Variants in COL11A1 observed in about 807,000 individuals in gnomAD.
COL11A1 encodes collagen alpha-1(XI) chain.
Under a neutral mutation model 265.2 loss-of-function variants are expected in COL11A1, and 74 were observed. The ratio of observed to expected loss-of-function variants is 0.28; its 90% CI spans 0.23 to 0.34. The LOEUF (loss-of-function observed/expected upper bound fraction) is 0.34, where lower values mean the gene tolerates loss of function less well. Among genes scored for constraint, COL11A1 ranks in the 10% least tolerant of loss-of-function variants. COL11A1 has a pLI of 1.00. For missense variants in COL11A1, 2,165 were observed against 2,263.6 expected, an observed-to-expected ratio of 0.96 and a Z score of 0.88; for synonymous variants, 816 against 727.6, an observed-to-expected ratio of 1.12 and a Z score of -1.96.
chr1:102,988,763 A>C (rs534486565), intron 29 of COL11A1, among the ~76,000 whole-genome samples: 89 of 152,286 alleles, frequency 5.8e-4, no homozygotes, highest in Middle Eastern at 3.4e-3. Flanking sequence ...ATAATAATAA[A>C]GATTGTTCAG....
intron 57 of COL11A1, among the ~76,000 whole-genome samples, chr1:102,892,743 T>TA (rs1035705590): frequency 7.9e-5 from 12 of 152,158 alleles, no homozygotes; most frequent in African/African-American, 2.9e-4. Flanking sequence ...TAGGTATACT[T>TA]ATGTTTTTTA....
In COL11A1 at chr1:102,914,375, G is replaced by A. The variant is rs1160206410; in HGVS notation, c.3955C>T (p.Pro1319Ser). Residue 1319 changes from proline to serine, a missense_variant, in exon 52 of 67, where the codon CCT becomes TCT. Transcript: ENST00000370096. Reference sequence around the variant, plus strand: ...ACTGCAGGGCCAGGTTCCCCAGGAGGACCAGGATCTCCAGGAAAACCAACA... The same window carrying A: ...ACTGCAGGGCCAGGTTCCCCAGGAGAACCAGGATCTCCAGGAAAACCAACA... ...GPVGFPGDPG[P>S]PGEPGPAGQD... 14 of 1,608,670 alleles carry A rather than the reference G, an allele frequency of 8.7e-6. No individual in the cohort carries two copies. The highest frequency in any genetic ancestry group is 3.3e-5 in the Admixed American group (2 of 59,876).
chr1:103,041,403 C>A (rs1668799599), intron 4 of COL11A1, among the ~76,000 whole-genome samples: 1 of 151,374 alleles, frequency 6.6e-6, no homozygotes, highest in Admixed American at 6.6e-5. Flanking sequence ...TGTTCTAAGT[C>A]CCTCAGAGAA....
At chr1:103,019,721 A>G (rs1666850464) in intron 9 of COL11A1, among the ~76,000 whole-genome samples, 1 of 142,912 alleles carries the variant, frequency 7.0e-6, no homozygotes, top group Non-Finnish European at 1.5e-5. Flanking sequence ...TATATCTCCC[A>G]ATGCTATCCC....
At chr1:102,928,500 T>C (rs1656925023) in intron 46 of COL11A1, among the ~76,000 whole-genome samples, 1 of 152,170 alleles carries the variant, frequency 6.6e-6, no homozygotes, top group African/African-American at 2.4e-5. Context: ...CAGTCTATCA[T>C]TGTTGGACAT....
At chr1:102,928,608 C>A (rs1032088322) in intron 46 of COL11A1, among the ~76,000 whole-genome samples, 2 of 151,894 alleles carry the variant, frequency 1.3e-5, no homozygotes, top group African/African-American at 4.8e-5. Flanking sequence ...GCATATATAC[C>A]CAGTAATGGG....
chr1:102,881,646 G>T, intron 65 of COL11A1, 51 bp downstream of exon 65: 1 of 1,364,218 alleles, frequency 7.3e-7, no homozygotes, highest in Non-Finnish European at 1.0e-6. Context: ...TAATCAGAAT[G>T]TCACTTCTTG....
chr1:102,922,228 A>T (rs1167532765), intron 47 of COL11A1, among the ~76,000 whole-genome samples: 1 of 152,090 alleles, frequency 6.6e-6, no homozygotes, highest in East Asian at 1.9e-4. Flanking sequence ...TTTTTAAAAG[A>T]TCTCAGTTTA....
intron 1 of COL11A1, among the ~76,000 whole-genome samples, chr1:103,095,759 T>C (rs569418621): frequency 5.3e-5 from 8 of 151,962 alleles, no homozygotes; most frequent in Non-Finnish European, 1.2e-4. Flanking sequence ...TCAGTTTGGA[T>C]AGAGAGCATG....
At position 102,979,445 on chromosome 1, in the gene COL11A1, T is replaced by C. The variant is rs761970505; in HGVS notation, c.2557-10A>G. On this transcript the variant is annotated splice_polypyrimidine_tract_variant and intron_variant, in intron 31 of 66. Transcript: ENST00000370096. ...GGAATCCAGTGGAACCCTACAATAA[T>C]AAAAGTAAATAATGAATAAACATGG... is the stretch of plus-strand genomic sequence containing the variant. The C allele has an allele frequency of 6.3e-6, 10 of 1,577,936 alleles. No homozygotes were observed. Among genetic ancestry groups the C allele is most frequent in the Non-Finnish European group, 7.8e-6 (9 of 1,147,850 alleles).
chr1:102,931,783 G>C (rs1657477969), intron 46 of COL11A1, among the ~76,000 whole-genome samples: 1 of 151,678 alleles, frequency 6.6e-6, no homozygotes, highest in South Asian at 2.1e-4. Context: ...CTCCTGTATT[G>C]GGTGCATATA....
chr1:103,087,708 T>C (rs1672987884), intron 1 of COL11A1, among the ~76,000 whole-genome samples: 1 of 152,218 alleles, frequency 6.6e-6, no homozygotes, highest in African/African-American at 2.4e-5. Flanking sequence ...GATAAGAATA[T>C]ACCTGGTAAT....
intron 56 of COL11A1, among the ~76,000 whole-genome samples, 191 bp downstream of exon 56, chr1:102,898,475 T>G (rs1570663347): frequency 6.6e-6 from 1 of 152,174 alleles, no homozygotes; most frequent in East Asian, 1.9e-4. Context: ...TGTTTCACCA[T>G]GAACTTATTA....
chr1:103,105,786 G>A (rs1674645264), intron 1 of COL11A1, among the ~76,000 whole-genome samples: 1 of 152,034 alleles, frequency 6.6e-6, no homozygotes, highest in South Asian at 2.1e-4. Context: ...TGTAGCCAAT[G>A]TTTTCTTTTT....
intron 64 of COL11A1, 58 bp from the exon 65 acceptor site, chr1:102,881,823 A>AC: frequency 1.7e-6 from 2 of 1,192,442 alleles, no homozygotes; most frequent in South Asian, 1.3e-5. Flanking sequence ...TATAAACAGT[A>AC]TTTTTATATA....
intron 57 of COL11A1, among the ~76,000 whole-genome samples, chr1:102,895,017 T>A (rs1264261692): frequency 6.6e-6 from 1 of 152,204 alleles, no homozygotes; most frequent in Admixed American, 6.5e-5. Context: ...AGTGTGTGTG[T>A]GTACACCTAT....
chr1:102,984,664 C>T (rs1197509407), intron 30 of COL11A1, among the ~76,000 whole-genome samples: 1 of 151,992 alleles, frequency 6.6e-6, no homozygotes, highest in Non-Finnish European at 1.5e-5. Context: ...TCATGAGTTA[C>T]TTAACTTTTC....
intron 4 of COL11A1, among the ~76,000 whole-genome samples, chr1:103,042,459 A>G (rs2102058869): frequency 6.6e-6 from 1 of 152,130 alleles, no homozygotes; most frequent in East Asian, 1.9e-4. Context: ...CCCAATTCCT[A>G]TTACTAACAT....
intron 4 of COL11A1, among the ~76,000 whole-genome samples, chr1:103,040,562 T>C (rs1193206517): frequency 6.6e-6 from 1 of 151,492 alleles, no homozygotes; most frequent in Non-Finnish European, 1.5e-5. Flanking sequence ...TATCAATGTT[T>C]CTTTAAATGA....
Sources: allele counts gnomAD v4.1 joint callset (sites outside exome capture counted in the v4.1 genomes callset), GRCh38; gene constraint gnomAD v4.1.1; transcripts MANE v1.5; gene names NCBI Gene and HGNC (gene_info 2026-07-23, HGNC 2026-07-21).